Variants in DMXL1 observed in about 807,000 individuals in gnomAD.
The protein encoded by DMXL1 is dmX-like protein 1.
DMXL1 carries 99 observed loss-of-function variants against 319.2 expected under a neutral mutation model. The observed-to-expected ratio is 0.31, with a 90% CI of 0.26 to 0.37. The LOEUF (loss-of-function observed/expected upper bound fraction) is 0.37. DMXL1 is among the 10% of genes least tolerant of loss of function. DMXL1 has a pLI of 1.00. For missense variants in DMXL1, 3,745 were observed against 3,595.6 expected (o/e 1.04, Z -1.06); for synonymous variants, 1,385 against 1,235.2 (o/e 1.12, Z -2.54).
chr5:119,155,397 A>G (rs1205256171), intron 19 of DMXL1, among the ~76,000 whole-genome samples: 4 of 152,228 alleles, frequency 2.6e-5, no homozygotes, highest in African/African-American at 9.6e-5. Context: ...AAGAGTTTGG[A>G]AGAAGTTGAT....
chr5:119,198,027 C>T, intron 32 of DMXL1, 71 bp downstream of exon 32: 2 of 1,479,188 alleles, frequency 1.4e-6, no homozygotes, highest in Non-Finnish European at 1.9e-6. Context: ...CTCGCTCTGT[C>T]ATCCGGGCTG....
chr5:119,216,150 A>G (rs537385334), intron 34 of DMXL1, among the ~76,000 whole-genome samples: 3 of 147,732 alleles, frequency 2.0e-5, no homozygotes, highest in South Asian at 2.1e-4. Context: ...AATGTCCTAT[A>G]TTAGGCAACA....
intron 38 of DMXL1, among the ~76,000 whole-genome samples, chr5:119,227,647 C>T (rs997333968): frequency 7.9e-5 from 12 of 152,074 alleles, no homozygotes; most frequent in Non-Finnish European, 1.5e-5. Context: ...CTTATTTGCT[C>T]TGTCAGCCTT....
chr5:119,178,225 A>G lies in DMXL1; in HGVS notation c.7116A>G (p.Thr2372=). 1.2e-6 allele frequency: 2 copies of G among 1,613,368 alleles called. No homozygotes were observed. Among genetic ancestry groups the G allele is most frequent in the Non-Finnish European group, 1.7e-6 (2 of 1,179,528 alleles). The change falls in exon 28 of 44, where the codon ACA becomes ACG. Residue 2372 remains threonine, a synonymous_variant. Coordinates refer to ENST00000539542, the MANE Select transcript of DMXL1 (RefSeq NM_001290321.3). ...GGAHVPSKEQ[T]HSKTLPVSSL... ...CACATGTTCCTAGCAAAGAACAGAC[A>G]CATTCAAAAACTTTACCTGGTGAGT...
chr5:119,173,398 C>T lies in DMXL1; in HGVS notation c.6681+1429C>T, dbSNP rs117992392. 5.3e-4 allele frequency among the ~76,000 whole-genome samples: 80 copies of T among 151,432 alleles called. 1 individual carries two copies. The East Asian group carries it at 0.012, about 24-fold the overall frequency. ...CTGAAACATTAGTGGCTTAAAAAGC[C>T]ATCATTTATTTTGCTTATAATTCTG... On this transcript the variant is annotated intron_variant, in intron 25 of 43. Transcript: ENST00000539542.
At chr5:119,110,758 A>G (rs1293174099) in intron 5 of DMXL1, among the ~76,000 whole-genome samples, 10 of 152,368 alleles carry the variant, frequency 6.6e-5, no homozygotes, top group Non-Finnish European at 1.0e-4. Context: ...GCAGTATAGT[A>G]AAATGAATTC....
chr5:119,100,699 C>G (rs535720822), intron 2 of DMXL1: 2 of 149,958 alleles, frequency 1.3e-5, no homozygotes, highest in African/African-American at 2.5e-5. Flanking sequence ...AAGGAGCACT[C>G]TCTTCTTGGT....
chr5:119,152,495 GAT>G (rs1225671742), intron 19 of DMXL1, among the ~76,000 whole-genome samples: 1 of 152,050 alleles, frequency 6.6e-6, no homozygotes, highest in African/African-American at 2.4e-5. Context: ...TAAAACTACT[GAT>G]AAAATATGTA....
At chr5:119,110,710 G>A (rs1311713002) in intron 5 of DMXL1, among the ~76,000 whole-genome samples, 1 of 152,200 alleles carries the variant, frequency 6.6e-6, no homozygotes, top group African/African-American at 2.4e-5. Context: ...ATATGGGAAA[G>A]TCAGAGAAAT....
In DMXL1 at chr5:119,247,423, G is replaced by C; in HGVS notation, c.*204G>C. 2.2e-6 allele frequency: 1 copy of C among 463,560 alleles called. No individual in the cohort carries two copies. The highest frequency in any genetic ancestry group is 3.9e-6 in the Non-Finnish European group (1 of 256,988). The allele number at this position is 463,560 out of a possible 1,614,324, so 28.7% of individuals were successfully genotyped here. A position where few individuals can be genotyped will look rare whatever the true frequency, so the allele number is the denominator to read the frequency against. On this transcript the variant is annotated 3_prime_UTR_variant, in exon 44 of 44. Coordinates refer to ENST00000539542, the MANE Select transcript of DMXL1 (RefSeq NM_001290321.3). ...TAGATTACATTGCCTAAAGTAGAAT[G>C]TGTAAGTAATGCTGTAATAATACAT...
chr5:119,189,768 C>G lies in DMXL1; in HGVS notation c.7196C>G (p.Ser2399Cys). 6.2e-7 allele frequency: 1 copy of G among 1,614,124 alleles called. No homozygotes were observed. The highest frequency in any genetic ancestry group is 8.5e-7 in the Non-Finnish European group (1 of 1,179,992). Residue 2399 changes from serine (S) to cysteine (C), a missense_variant, in exon 29 of 44, where the codon TCT (serine) becomes TGT (cysteine). Physicochemically the swap from Ser to Cys is moderately radical, Grantham distance 112. Transcript: ENST00000539542. The part of the protein sequence containing the change: ...QNKRFRPSKM[S>C]CRESAPLTPS... Reference sequence around the variant, plus strand: ...AAACGTTTTAGGCCGTCAAAAATGTCTTGCAGAGAATCTGCCCCACTGACC... The same window carrying G: ...AAACGTTTTAGGCCGTCAAAAATGTGTTGCAGAGAATCTGCCCCACTGACC...
chr5:119,195,451 A>C (rs1401132228), intron 30 of DMXL1, among the ~76,000 whole-genome samples: 1 of 152,242 alleles, frequency 6.6e-6, no homozygotes, highest in Non-Finnish European at 1.5e-5. Context: ...CAACATGGAT[A>C]TAATGCTAAG....
Position 119,133,191 on chromosome 5 carries a change from G to C in DMXL1, c.1375G>C (p.Asp459His), listed in dbSNP as rs375308972. 7.4e-6 allele frequency: 12 copies of C among 1,614,076 alleles called. No individual in the cohort carries two copies. In the African/African-American group the frequency reaches 1.2e-4, roughly 16 times the overall value. ...INPEKKELGC[D>H]KMVPNSSFTS... ...TCCCGAAAAGAAGGAATTAGGCTGT[G>C]ATAAAATGGTACCAAACTCAAGTTT... Residue 459 changes from aspartate to histidine, a missense_variant, in exon 11 of 44, where the codon GAT becomes CAT. Physicochemically the swap from Asp to His is moderately conservative, Grantham distance 81. Transcript: ENST00000539542.
intron 9 of DMXL1, among the ~76,000 whole-genome samples, chr5:119,126,281 C>G (rs1763555439): frequency 6.6e-6 from 1 of 152,086 alleles, no homozygotes; most frequent in African/African-American, 2.4e-5. Flanking sequence ...GAAACTCTGT[C>G]TCAAAAATAA....
intron 28 of DMXL1, among the ~76,000 whole-genome samples, chr5:119,189,124 G>A (rs1351568844): frequency 1.3e-5 from 2 of 152,076 alleles, no homozygotes; most frequent in East Asian, 1.9e-4. Flanking sequence ...ATTATAGAGT[G>A]TTCACAAAAT....
chr5:119,098,337 T>G (rs2149783130), intron 2 of DMXL1, among the ~76,000 whole-genome samples: 1 of 152,308 alleles, frequency 6.6e-6, no homozygotes, highest in African/African-American at 2.4e-5. Flanking sequence ...CAATACTTAC[T>G]GATATAGAAT....
intron 33 of DMXL1, among the ~76,000 whole-genome samples, chr5:119,205,921 A>G (rs991184423): frequency 1.3e-5 from 2 of 152,092 alleles, no homozygotes; most frequent in Admixed American, 6.5e-5. Context: ...TAGGAGATAC[A>G]TATATGACAG....
At chr5:119,220,297 A>G (rs949998908) in intron 35 of DMXL1, among the ~76,000 whole-genome samples, 175 bp from the exon 36 acceptor site, 6 of 152,340 alleles carry the variant, frequency 3.9e-5, no homozygotes, top group Middle Eastern at 3.4e-3. Flanking sequence ...TTCATAGAAC[A>G]TAAACGTATC....
chr5:119,242,194 A>G (rs1250281679), intron 42 of DMXL1, among the ~76,000 whole-genome samples: 2 of 152,130 alleles, frequency 1.3e-5, no homozygotes, highest in African/African-American at 4.8e-5. Context: ...GTTTTTTCAA[A>G]TTATCTCAAA....
Sources: allele counts gnomAD v4.1 joint callset (sites outside exome capture counted in the v4.1 genomes callset), GRCh38; gene constraint gnomAD v4.1.1; transcripts MANE v1.5; gene names NCBI Gene and HGNC (gene_info 2026-07-23, HGNC 2026-07-21).